Variants in SDC2 observed in about 807,000 individuals in gnomAD.
SDC2 encodes syndecan-2.
A neutral mutation model predicts 22.2 loss-of-function variants in SDC2; 13 were observed. The observed-to-expected ratio is 0.59, with a 90% CI of 0.38 to 0.93. The LOEUF (loss-of-function observed/expected upper bound fraction) is 0.93, where lower values mean the gene tolerates loss of function less well. Ranked by LOEUF, SDC2 falls within the 40% of genes least tolerant of loss-of-function variation. The probability of loss-of-function intolerance (pLI) is 0.00; values close to 1 mark genes in which losing one functional copy is unlikely to be tolerated. For missense variants in SDC2, 235 were observed against 246.8 expected (o/e 0.95, Z 0.32); for synonymous variants, 94 against 92.8 (o/e 1.01, Z -0.07).
intron 1 of SDC2, among the ~76,000 whole-genome samples, chr8:96,494,674 G>A (rs530744725): frequency 4.6e-5 from 7 of 152,126 alleles, no homozygotes; most frequent in Admixed American, 3.3e-4. Flanking sequence ...GGTGGCAGGA[G>A]GGGGGAGCCT....
chr8:96,506,835 C>G (rs2130432283), intron 1 of SDC2, among the ~76,000 whole-genome samples: 1 of 152,120 alleles, frequency 6.6e-6, no homozygotes, highest in African/African-American at 2.4e-5. Context: ...CAAAATGAAA[C>G]TGTCTCTACT....
At chr8:96,544,308 C>T (rs1034790921) in intron 1 of SDC2, among the ~76,000 whole-genome samples, 6 of 152,310 alleles carry the variant, frequency 3.9e-5, no homozygotes, top group South Asian at 2.1e-4. Flanking sequence ...TCAGTTCAAA[C>T]ATCCTTTTGA....
At chr8:96,571,344 T>C (rs1000972657) in intron 1 of SDC2, among the ~76,000 whole-genome samples, 3 of 152,096 alleles carry the variant, frequency 2.0e-5, no homozygotes. Flanking sequence ...GGGGAAAGTG[T>C]GTATGCTTAG....
intron 1 of SDC2, among the ~76,000 whole-genome samples, chr8:96,566,968 C>T (rs1814310205): frequency 6.6e-6 from 1 of 152,180 alleles, no homozygotes; most frequent in Non-Finnish European, 1.5e-5. Flanking sequence ...ATTCTCTTTC[C>T]TCAGCCTCCC....
chr8:96,609,468 G>T lies in SDC2; in HGVS notation c.526G>T (p.Glu176Ter). ...LLVYRMRKKD[E>*]GSYDLGERKP... ...GGTGTATCGCATGAGAAAGAAGGAT[G>T]AAGGAAGCTATGACCTTGGAGAACG... is the stretch of plus-strand genomic sequence containing the variant. The change falls in exon 5 of 5, where the codon GAA becomes TAA. Residue 176 changes from glutamate (E) to a stop codon, truncating the protein, a stop_gained. Coordinates refer to ENST00000302190, the MANE Select transcript of SDC2 (RefSeq NM_002998.4). LOFTEE classifies it high-confidence loss of function. 6.2e-7 allele frequency: 1 copy of T among 1,613,738 alleles called. No homozygotes were observed. The highest frequency in any genetic ancestry group is 8.5e-7 in the Non-Finnish European group (1 of 1,179,812).
chr8:96,502,073 A>C (rs1382364656), intron 1 of SDC2, among the ~76,000 whole-genome samples: 2 of 152,202 alleles, frequency 1.3e-5, no homozygotes, highest in Non-Finnish European at 2.9e-5. Flanking sequence ...ATAAAGACAT[A>C]CCCAAGACTA....
At chr8:96,524,098 C>T (rs968705433) in intron 1 of SDC2, among the ~76,000 whole-genome samples, 14 of 152,120 alleles carry the variant, frequency 9.2e-5, no homozygotes, top group African/African-American at 2.7e-4. Flanking sequence ...TCAGTACTTG[C>T]GTTGGGAAAC....
chr8:96,506,481 G>C (rs367916247), intron 1 of SDC2, among the ~76,000 whole-genome samples: 10 of 151,836 alleles, frequency 6.6e-5, no homozygotes, highest in African/African-American at 2.4e-4. Flanking sequence ...TATGTATCCG[G>C]TGAAAACTTA....
chr8:96,512,619 C>A (rs530507960), intron 1 of SDC2, among the ~76,000 whole-genome samples: 2 of 152,038 alleles, frequency 1.3e-5, no homozygotes, highest in East Asian at 3.9e-4. Flanking sequence ...TGGGGGTGCT[C>A]AAGCCAGATG....
intron 1 of SDC2, among the ~76,000 whole-genome samples, chr8:96,547,595 T>C (rs1313129479): frequency 6.6e-6 from 1 of 152,210 alleles, no homozygotes; most frequent in Admixed American, 6.5e-5. Context: ...ATAAAAGGTG[T>C]CTGGGTATAC....
chr8:96,519,359 T>C (rs1275610129), intron 1 of SDC2, among the ~76,000 whole-genome samples: 2 of 152,240 alleles, frequency 1.3e-5, no homozygotes, highest in Non-Finnish European at 1.5e-5. Flanking sequence ...TGTTTACTTT[T>C]CGTCATTTCT....
chr8:96,531,552 A>C (rs1198985870), intron 1 of SDC2, among the ~76,000 whole-genome samples: 1 of 152,250 alleles, frequency 6.6e-6, no homozygotes, highest in Non-Finnish European at 1.5e-5. Flanking sequence ...TCAGGCTATG[A>C]AACTTGTATG....
chr8:96,501,917 C>T (rs1813171727), intron 1 of SDC2, among the ~76,000 whole-genome samples: 1 of 152,096 alleles, frequency 6.6e-6, no homozygotes, highest in Admixed American at 6.6e-5. Context: ...AATTTATTCA[C>T]CTTACAGAAA....
chr8:96,593,629 C>G (rs567673125), intron 2 of SDC2, 38 bp downstream of exon 2: 2 of 1,271,368 alleles, frequency 1.6e-6, no homozygotes, highest in South Asian at 2.4e-5. Flanking sequence ...CCTCATTCTC[C>G]AGGCATGCAC....
chr8:96,588,877 T>C (rs2130623739), intron 1 of SDC2, among the ~76,000 whole-genome samples: 1 of 152,374 alleles, frequency 6.6e-6, no homozygotes, highest in African/African-American at 2.4e-5. Flanking sequence ...TTTGAATTTC[T>C]AAATAACAGA....
chr8:96,495,886 T>C (rs571245803), intron 1 of SDC2, among the ~76,000 whole-genome samples: 5 of 152,334 alleles, frequency 3.3e-5, no homozygotes, highest in South Asian at 4.1e-4. Flanking sequence ...CCCAGCCTTA[T>C]CAGTGTTTCC....
intron 1 of SDC2, among the ~76,000 whole-genome samples, chr8:96,570,954 T>C (rs1814384015): frequency 6.6e-6 from 1 of 152,064 alleles, no homozygotes; most frequent in Non-Finnish European, 1.5e-5. Context: ...AGTTTCAGTT[T>C]GGGATGATGA....
rs1815179637 is a variant in SDC2, at chr8:96,611,777, T to C, written c.*2229T>C. Reference sequence around the variant, plus strand: ...GTCTGTCATGCCAAAAGTAAATCATTGTATAGACTGACATCCAGTTTTCTT... The same window carrying C: ...GTCTGTCATGCCAAAAGTAAATCATCGTATAGACTGACATCCAGTTTTCTT... On this transcript the variant is annotated 3_prime_UTR_variant, in exon 5 of 5. Coordinates refer to ENST00000302190, the MANE Select transcript of SDC2 (RefSeq NM_002998.4). The C allele has an allele frequency of 6.6e-6, 1 of 152,470 alleles. No individual in the cohort carries two copies. Among genetic ancestry groups the C allele is most frequent in the African/African-American group, 2.4e-5 (1 of 41,426 alleles). 9.4% of individuals were successfully genotyped at this position (152,470 alleles called of 1,614,324 possible).
chr8:96,501,822 T>G (rs1813170526), intron 1 of SDC2, among the ~76,000 whole-genome samples: 1 of 152,058 alleles, frequency 6.6e-6, no homozygotes, highest in South Asian at 2.1e-4. Flanking sequence ...CACTTTAGGG[T>G]GTGGTAGGAG....
Sources: allele counts gnomAD v4.1 joint callset (sites outside exome capture counted in the v4.1 genomes callset), GRCh38; gene constraint gnomAD v4.1.1; transcripts MANE v1.5; gene names NCBI Gene and HGNC (gene_info 2026-07-23, HGNC 2026-07-21).